Variants in OCA2 observed in about 807,000 individuals in gnomAD.
The protein encoded by OCA2 is OCA2 melanosomal transmembrane protein.
In OCA2, 77 loss-of-function variants were observed where a neutral mutation model predicts 100.2. The ratio of observed to expected loss-of-function variants is 0.77; its 90% CI spans 0.64 to 0.93. The LOEUF (loss-of-function observed/expected upper bound fraction) is 0.93, where lower values mean the gene tolerates loss of function less well. Among genes scored for constraint, OCA2 ranks in the 40% least tolerant of loss-of-function variants. The pLI is 0.00. For synonymous variants in OCA2, 432 were observed against 439.2 expected, an observed-to-expected ratio of 0.98 and a Z score of 0.21; for missense variants, 1,062 against 1,089.1, an observed-to-expected ratio of 0.98 and a Z score of 0.35.
At chr15:27,895,260 G>C (rs189326227) in intron 19 of OCA2, among the ~76,000 whole-genome samples, 42 of 152,312 alleles carry the variant, frequency 2.8e-4, no homozygotes, top group Non-Finnish European at 4.6e-4. Context: ...TTTATTAGCA[G>C]TGTGAGAACA....
At chr15:27,742,949 C>T in the OCA2 span, among the ~76,000 whole-genome samples, 1 of 152,308 alleles carries the variant, frequency 6.6e-6, no homozygotes, top group Non-Finnish European at 1.5e-5. Flanking sequence ...TCTGTACACA[C>T]CTCAGGAGGC....
intron 14 of OCA2, among the ~76,000 whole-genome samples, chr15:27,973,080 G>A (rs2040858385): frequency 6.6e-6 from 1 of 151,990 alleles, no homozygotes; most frequent in African/African-American, 2.4e-5. Flanking sequence ...GTGTTGGCCA[G>A]GCTGGTCTCT....
At chr15:28,089,062 G>T (rs1409303646) in intron 1 of OCA2, among the ~76,000 whole-genome samples, 1 of 152,136 alleles carries the variant, frequency 6.6e-6, no homozygotes, top group Non-Finnish European at 1.5e-5. Flanking sequence ...TCTTTCTCAG[G>T]GATGTTCCTT....
rs45495598 is a variant in OCA2 at position 27,957,495 on chromosome 15, C to T, written c.1784+93G>A. On this transcript the variant is annotated intron_variant, in intron 16 of 23. Transcript: ENST00000354638. The surrounding 1 kb of genome is among the most constrained non-coding windows in gnomAD (Gnocchi z 4.3). ...CACAGTGTGCGTCACCTAAATATCA[C>T]GTATTAGTATACAGCTAATGTCGCT... is the stretch of plus-strand genomic sequence containing the variant. 84,397 of 1,409,974 alleles carry T rather than the reference C, an allele frequency of 0.06. 3,286 individuals carry two copies. Among genetic ancestry groups the T allele is most frequent in the South Asian group, 0.13 (11,073 of 86,828 alleles). 87.3% of individuals were successfully genotyped at this position (1,409,974 alleles called of 1,614,324 possible).
At chr15:27,847,566 G>A (rs1297998448) in intron 22 of OCA2, among the ~76,000 whole-genome samples, 2 of 152,162 alleles carry the variant, frequency 1.3e-5, no homozygotes, top group Non-Finnish European at 2.9e-5. Flanking sequence ...CCACGGAGAG[G>A]AGCCTCCGGA....
intron 23 of OCA2, among the ~76,000 whole-genome samples, chr15:27,759,809 A>G (rs950498774): frequency 6.6e-6 from 1 of 152,178 alleles, no homozygotes; most frequent in African/African-American, 2.4e-5. Context: ...GAAGAACTAG[A>G]AAGAAATTCA....
chr15:27,955,219 A>G lies in OCA2; in HGVS notation c.1785-4T>C. 1 of 1,606,168 alleles carries G rather than the reference A, an allele frequency of 6.2e-7. No individual in the cohort carries two copies. Among genetic ancestry groups the G allele is most frequent in the South Asian group, 1.1e-5 (1 of 90,912 alleles). Reference sequence around the variant, plus strand: ...TTTGTCCTCCTGTGAGATCTGTCTAAAAGAGAAAAGAAGAGACTCATTACT... The same window carrying G: ...TTTGTCCTCCTGTGAGATCTGTCTAGAAGAGAAAAGAAGAGACTCATTACT... On this transcript the variant is annotated splice_polypyrimidine_tract_variant and splice_region_variant and intron_variant, in intron 16 of 23. Transcript: ENST00000354638.
rs558413864 is a variant in OCA2 at position 28,036,828 on chromosome 15, T to C, written c.228-4665A>G. On this transcript the variant is annotated intron_variant, in intron 2 of 23. Coordinates refer to ENST00000354638, the MANE Select transcript of OCA2 (RefSeq NM_000275.3). The stretch of plus-strand genomic sequence containing the variant: ...AAATGACAGCTTGGGGAGGTGGTGA[T>C]TGGGGTACCAGGCATGGAGGAAGAG... Among the ~76,000 whole-genome samples the C allele has an allele frequency of 2.6e-5, 4 of 152,160 alleles. No homozygotes were observed. The South Asian group carries it at 6.2e-4, about 24-fold the overall frequency.
At chr15:28,097,680 C>G (rs982612026) in intron 1 of OCA2, among the ~76,000 whole-genome samples, 60 of 152,166 alleles carry the variant, frequency 3.9e-4, no homozygotes, top group African/African-American at 1.3e-3. Context: ...CTTTGTGTCC[C>G]TAGACATAAA....
At chr15:28,017,381 T>C (rs958492506) in intron 7 of OCA2, among the ~76,000 whole-genome samples, 3 of 151,574 alleles carry the variant, frequency 2.0e-5, no homozygotes, top group Non-Finnish European at 4.4e-5. Context: ...GTTATTAATA[T>C]GCAAGTGCTG....
chr15:27,931,012 T>C (rs1361143787), intron 18 of OCA2, among the ~76,000 whole-genome samples: 1 of 152,178 alleles, frequency 6.6e-6, no homozygotes, highest in Non-Finnish European at 1.5e-5. Flanking sequence ...TAGTTATGTG[T>C]GTGACTTTCA....
intron 21 of OCA2, among the ~76,000 whole-genome samples, chr15:27,866,936 C>T (rs2036348641): frequency 6.6e-6 from 1 of 152,214 alleles, no homozygotes; most frequent in African/African-American, 2.4e-5. Context: ...TGTGACAAGG[C>T]ATACTCAAGA....
chr15:27,942,733 T>C (rs1243276327), intron 18 of OCA2, among the ~76,000 whole-genome samples: 2 of 152,222 alleles, frequency 1.3e-5, no homozygotes, highest in Non-Finnish European at 2.9e-5. Flanking sequence ...ATTTCTTCAG[T>C]GTTATGATGA....
the OCA2 span, among the ~76,000 whole-genome samples, chr15:27,734,501 G>T: frequency 4.6e-5 from 7 of 152,056 alleles, no homozygotes; most frequent in African/African-American, 1.7e-4. Context: ...CCCAGCACTG[G>T]GCCTGTCATA....
chr15:27,786,744 A>C (rs2032834827), intron 23 of OCA2, among the ~76,000 whole-genome samples: 1 of 152,158 alleles, frequency 6.6e-6, no homozygotes, highest in Non-Finnish European at 1.5e-5. Context: ...ATTTGTAAAT[A>C]AAAGCCGTTT....
intron 23 of OCA2, among the ~76,000 whole-genome samples, chr15:27,796,256 C>T (rs2033327106): frequency 6.6e-6 from 1 of 152,256 alleles, no homozygotes; most frequent in Non-Finnish European, 1.5e-5. Context: ...TCTAAGACTT[C>T]TATGAGAGAA....
intron 9 of OCA2, among the ~76,000 whole-genome samples, chr15:28,014,348 A>G (rs1347488449): frequency 6.6e-6 from 1 of 152,176 alleles, no homozygotes; most frequent in African/African-American, 2.4e-5. Context: ...CCCTCCGGGC[A>G]CACAGCCCCA....
intron 18 of OCA2, among the ~76,000 whole-genome samples, chr15:27,930,910 A>G (rs72712633): frequency 0.19 from 29,230 of 151,956 alleles, 4,067 homozygotes; most frequent in East Asian, 0.61. Context: ...TAGAACACTA[A>G]AAGTTCAAAG....
chr15:27,901,941 G>C (rs1390031557), intron 19 of OCA2, among the ~76,000 whole-genome samples: 1 of 152,190 alleles, frequency 6.6e-6, no homozygotes, highest in Non-Finnish European at 1.5e-5. Flanking sequence ...GAGAGAACAG[G>C]GTTGCCCACC....
Sources: allele counts gnomAD v4.1 joint callset (sites outside exome capture counted in the v4.1 genomes callset), GRCh38; gene constraint gnomAD v4.1.1; non-coding constraint Gnocchi (gnomAD v3.1); transcripts MANE v1.5; gene names NCBI Gene and HGNC (gene_info 2026-07-23, HGNC 2026-07-21).